Variants in FHL3 observed in about 807,000 individuals in gnomAD.
FHL3 encodes the protein four and a half LIM domains 3.
Under a neutral mutation model 34.3 loss-of-function variants are expected in FHL3, and 21 were observed. The ratio of observed to expected loss-of-function variants is 0.61; its 90% CI spans 0.43 to 0.88. FHL3 has a LOEUF of 0.88. Among genes scored for constraint, FHL3 ranks in the 40% least tolerant of loss-of-function variants. FHL3 has a pLI of 0.00. For synonymous variants in FHL3, 137 were observed against 144.6 expected, an observed-to-expected ratio of 0.95 and a Z score of 0.38; for missense variants, 333 against 373.7, an observed-to-expected ratio of 0.89 and a Z score of 0.90.
At chr1:38,002,437 C>T (rs1327366409) in intron 1 of FHL3, among the ~76,000 whole-genome samples, 1 of 151,418 alleles carries the variant, frequency 6.6e-6, no homozygotes, top group Non-Finnish European at 1.5e-5. Flanking sequence ...TCTCAATATG[C>T]TGCGCAGGCT....
At position 37,997,874 on chromosome 1, in the gene FHL3, T is replaced by G. The variant is rs1570480931; in HGVS notation, c.502-4A>C. ...TCACTCCACCCTGTGTCAGCGTCTG[T>G]GGGGGCAGCATCCATTAGTAGGTAT... On this transcript the variant is annotated splice_polypyrimidine_tract_variant and splice_region_variant and intron_variant, in intron 4 of 5. Coordinates refer to ENST00000373016, the MANE Select transcript of FHL3 (RefSeq NM_004468.5). The surrounding 1 kb of genome is among the most constrained non-coding windows in gnomAD (Gnocchi z 4.3). 6.2e-7 allele frequency: 1 copy of G among 1,613,610 alleles called. No homozygotes were observed. Among genetic ancestry groups the G allele is most frequent in the East Asian group, 2.2e-5 (1 of 44,850 alleles).
chr1:37,997,288 G>A lies in FHL3; in HGVS notation c.*117C>T. On this transcript the variant is annotated 3_prime_UTR_variant, in exon 6 of 6. Coordinates refer to ENST00000373016, the MANE Select transcript of FHL3 (RefSeq NM_004468.5). This position sits in a 1 kb window ranked among gnomAD's most constrained non-coding sequence, Gnocchi z 4.3. ...GCTGGAGTGGGGAGACAATCCTGGA[G>A]CCCAGAAGGAGACCCATTTTTTTTG... 9.2e-7 allele frequency: 1 copy of A among 1,081,704 alleles called. No homozygotes were observed. Among genetic ancestry groups the A allele is most frequent in the Non-Finnish European group, 1.3e-6 (1 of 747,168 alleles). The allele number at this position is 1,081,704 out of a possible 1,614,324, so 67.0% of individuals were successfully genotyped here.
At chr1:38,003,462 C>T (rs572743176) in intron 1 of FHL3, among the ~76,000 whole-genome samples, 130 of 152,258 alleles carry the variant, frequency 8.5e-4, no homozygotes, top group African/African-American at 3.0e-3. Context: ...ATAGGGGGCC[C>T]CAGGCCCATG....
chr1:37,997,319 G>T lies in FHL3; in HGVS notation c.*86C>A. Reference sequence around the variant, plus strand: ...AAGGAGACCCATTTTTTTTGGCGGGGGGAGCTGAGTCCCAGAGGTGGTTTA... The same window carrying T: ...AAGGAGACCCATTTTTTTTGGCGGGTGGAGCTGAGTCCCAGAGGTGGTTTA... On this transcript the variant is annotated 3_prime_UTR_variant, in exon 6 of 6. Coordinates refer to ENST00000373016, the MANE Select transcript of FHL3 (RefSeq NM_004468.5). This position sits in a 1 kb window ranked among gnomAD's most constrained non-coding sequence, Gnocchi z 4.3. 2 of 1,436,660 alleles carry T rather than the reference G, an allele frequency of 1.4e-6. No individual in the cohort carries two copies. Among genetic ancestry groups the T allele is most frequent in the Non-Finnish European group, 1.9e-6 (2 of 1,063,334 alleles). 89.0% of individuals were successfully genotyped at this position (1,436,660 alleles called of 1,614,324 possible).
At chr1:38,001,876 C>A (rs527604590) in intron 1 of FHL3, among the ~76,000 whole-genome samples, 1 of 152,214 alleles carries the variant, frequency 6.6e-6, no homozygotes. Context: ...TGATCTTGGG[C>A]AAATCCCTAA....
In FHL3 at chr1:37,997,896, G is replaced by T; in HGVS notation, c.502-26C>A. ...CTGTGGGGGCAGCATCCATTAGTAG[G>T]TATGAGTGGGGATTCCCACCCCACA... On this transcript the variant is annotated intron_variant, in intron 4 of 5. Coordinates refer to ENST00000373016, the MANE Select transcript of FHL3 (RefSeq NM_004468.5). The surrounding 1 kb of genome is among the most constrained non-coding windows in gnomAD (Gnocchi z 4.3). 1 of 1,613,656 alleles carries T rather than the reference G, an allele frequency of 6.2e-7. No individual in the cohort carries two copies.
chr1:37,999,701 A>AG (rs1427362872), intron 1 of FHL3, among the ~76,000 whole-genome samples: 1 of 152,040 alleles, frequency 6.6e-6, no homozygotes, highest in African/African-American at 2.4e-5. Context: ...ATCTAGGGGG[A>AG]GGGGGCTTTT....
At chr1:38,001,790 T>C (rs977440627) in intron 1 of FHL3, among the ~76,000 whole-genome samples, 2 of 152,194 alleles carry the variant, frequency 1.3e-5, no homozygotes, top group East Asian at 3.8e-4. Flanking sequence ...TCAGAATGAC[T>C]GCGTAACTGG....
At chr1:38,000,571 C>T (rs759615391) in intron 1 of FHL3, among the ~76,000 whole-genome samples, 3 of 152,164 alleles carry the variant, frequency 2.0e-5, no homozygotes, top group Non-Finnish European at 4.4e-5. Flanking sequence ...GCTGGAGACA[C>T]CCAGCCCCCG....
intron 1 of FHL3, among the ~76,000 whole-genome samples, chr1:38,001,513 A>T (rs769510657): frequency 1.3e-4 from 20 of 152,206 alleles, no homozygotes; most frequent in Non-Finnish European, 2.5e-4. Flanking sequence ...AGAATCCCCC[A>T]ATGCCCTAGT....
At chr1:38,001,622 C>G (rs993217004) in intron 1 of FHL3, among the ~76,000 whole-genome samples, 1 of 152,224 alleles carries the variant, frequency 6.6e-6, no homozygotes, top group African/African-American at 2.4e-5. Context: ...CCTGGCAAGG[C>G]TGGGGACTGC....
Position 37,997,243 on chromosome 1 carries a change from G to A in FHL3, c.*162C>T. 1 of 741,690 alleles carries A rather than the reference G, an allele frequency of 1.3e-6. No homozygotes were observed. The highest frequency in any genetic ancestry group is 1.7e-5 in the South Asian group (1 of 57,402). The allele number at this position is 741,690 out of a possible 1,614,324, so 45.9% of individuals were successfully genotyped here. ...AGCCCAGGTTTGGGGCCCTGGGTCAGGGAGTACCAGTTTGGGGATGCTGGA... is the reference window on the plus strand; with the variant it reads ...AGCCCAGGTTTGGGGCCCTGGGTCAAGGAGTACCAGTTTGGGGATGCTGGA... On this transcript the variant is annotated 3_prime_UTR_variant, in exon 6 of 6. Transcript: ENST00000373016. The surrounding 1 kb of genome is among the most constrained non-coding windows in gnomAD (Gnocchi z 4.3).
intron 1 of FHL3, among the ~76,000 whole-genome samples, chr1:38,003,804 G>C (rs528453326): frequency 6.6e-6 from 1 of 152,170 alleles, no homozygotes; most frequent in African/African-American, 2.4e-5. Context: ...GTGATGAAGC[G>C]GATGGTGACA....
chr1:37,997,306 T>C lies in FHL3; in HGVS notation c.*99A>G. On this transcript the variant is annotated 3_prime_UTR_variant, in exon 6 of 6. Coordinates refer to ENST00000373016, the MANE Select transcript of FHL3 (RefSeq NM_004468.5). This position sits in a 1 kb window ranked among gnomAD's most constrained non-coding sequence, Gnocchi z 4.3. ...TCCTGGAGCCCAGAAGGAGACCCATTTTTTTTGGCGGGGGGAGCTGAGTCC... is the reference window on the plus strand; with the variant it reads ...TCCTGGAGCCCAGAAGGAGACCCATCTTTTTTGGCGGGGGGAGCTGAGTCC... The C allele has an allele frequency of 2.9e-6, 4 of 1,359,556 alleles. No individual in the cohort carries two copies. The highest frequency in any genetic ancestry group is 4.0e-6 in the Non-Finnish European group (4 of 996,836). 84.2% of individuals were successfully genotyped at this position (1,359,556 alleles called of 1,614,324 possible).
chr1:38,004,311 T>C (rs529297377), intron 1 of FHL3, among the ~76,000 whole-genome samples: 5 of 152,236 alleles, frequency 3.3e-5, no homozygotes, highest in East Asian at 1.9e-4. Flanking sequence ...GCTGTGTGTG[T>C]GCGTGGGGCT....
intron 1 of FHL3, among the ~76,000 whole-genome samples, chr1:38,000,189 C>T (rs58791367): frequency 0.012 from 1,770 of 152,298 alleles, 29 homozygotes; most frequent in African/African-American, 0.041. Flanking sequence ...ACAGCCTTGG[C>T]CTGTAACATC....
Position 37,999,405 on chromosome 1 carries a change from T to A in FHL3, c.8A>T (p.Glu3Val), listed in dbSNP as rs143754927. MS[E>V]SFDCAKCNES... ...GTTGCATTTTGCACAGTCAAATGAC[T>A]CGCTCATGGTGGCAAGGGGAGAGAA... Residue 3 changes from glutamate (E) to valine (V), a missense_variant, in exon 2 of 6, where the codon GAG becomes GTG. Glu to Val is a moderately radical substitution (Grantham distance 121). Coordinates refer to ENST00000373016, the MANE Select transcript of FHL3 (RefSeq NM_004468.5). The A allele has an allele frequency of 6.2e-7, 1 of 1,614,160 alleles. No homozygotes were observed. Among genetic ancestry groups the A allele is most frequent in the East Asian group, 2.2e-5 (1 of 44,888 alleles).
chr1:37,999,862 C>G (rs898723177), intron 1 of FHL3, among the ~76,000 whole-genome samples: 3 of 152,174 alleles, frequency 2.0e-5, no homozygotes, highest in Non-Finnish European at 4.4e-5. Flanking sequence ...CAGGAAGGGA[C>G]TTTAGGAATA....
At position 37,997,250 on chromosome 1, in the gene FHL3, C is replaced by T; in HGVS notation, c.*155G>A. 1.3e-6 allele frequency: 1 copy of T among 776,654 alleles called. No homozygotes were observed. Among genetic ancestry groups the T allele is most frequent in the South Asian group, 1.7e-5 (1 of 58,498 alleles). The allele number at this position is 776,654 out of a possible 1,614,324, so 48.1% of individuals were successfully genotyped here. A position where few individuals can be genotyped will look rare whatever the true frequency, so the allele number is the denominator to read the frequency against. On this transcript the variant is annotated 3_prime_UTR_variant, in exon 6 of 6. Coordinates refer to ENST00000373016, the MANE Select transcript of FHL3 (RefSeq NM_004468.5). This position sits in a 1 kb window ranked among gnomAD's most constrained non-coding sequence, Gnocchi z 4.3. ...GTTTGGGGCCCTGGGTCAGGGAGTA[C>T]CAGTTTGGGGATGCTGGAGTGGGGA...
Sources: allele counts gnomAD v4.1 joint callset (sites outside exome capture counted in the v4.1 genomes callset), GRCh38; gene constraint gnomAD v4.1.1; non-coding constraint Gnocchi (gnomAD v3.1); transcripts MANE v1.5; gene names NCBI Gene and HGNC (gene_info 2026-07-23, HGNC 2026-07-21).